HNF4G: variants seen among roughly 807,000 people sequenced by gnomAD.
HNF4G encodes hepatocyte nuclear factor 4-gamma.
Under a neutral mutation model 50.9 loss-of-function variants are expected in HNF4G, and 21 were observed. The observed-to-expected ratio is 0.41, with a 90% CI of 0.29 to 0.59. The LOEUF (loss-of-function observed/expected upper bound fraction) is 0.59. Ranked by LOEUF, HNF4G falls within the 20% of genes least tolerant of loss-of-function variation. The pLI, the probability that HNF4G is intolerant of heterozygous loss-of-function variation, is 0.26. For missense variants in HNF4G, 527 were observed against 559.4 expected (o/e 0.94, Z 0.58); for synonymous variants, 198 against 185.6 (o/e 1.07, Z -0.54).
At chr8:75,503,835 G>T (rs1812994474) in intron 2 of HNF4G, among the ~76,000 whole-genome samples, 1 of 152,118 alleles carries the variant, frequency 6.6e-6, no homozygotes, top group African/African-American at 2.4e-5. Context: ...GTAATCTTTT[G>T]CTGTGGATGG....
chr8:75,556,103 A>G (rs1807114793), intron 6 of HNF4G, 34 bp downstream of exon 6: 1 of 1,194,756 alleles, frequency 8.4e-7, no homozygotes, highest in South Asian at 1.4e-5. Flanking sequence ...AGAAGAAATT[A>G]TGCATATTTT....
intron 4 of HNF4G, 87 bp downstream of exon 4, chr8:75,551,581 AAAGGTGC>A: frequency 2.6e-6 from 2 of 767,518 alleles, no homozygotes; most frequent in South Asian, 3.2e-5. Flanking sequence ...AAGTTTTTTC[AAAGGTGC>A]TCATTACTAA....
At chr8:75,435,351 A>G (rs1811111240) in intron 1 of HNF4G, among the ~76,000 whole-genome samples, 1 of 152,206 alleles carries the variant, frequency 6.6e-6, no homozygotes, top group Non-Finnish European at 1.5e-5. Context: ...ATTAATGTCA[A>G]TTCGTGTTTT....
rs909419093 is a variant in HNF4G, at chr8:75,565,704, C to G, written c.*1608C>G. The G allele has an allele frequency of 2.0e-5, 3 of 152,068 alleles. No individual in the cohort carries two copies. The East Asian group carries it at 5.8e-4, about 29-fold the overall frequency. 9.4% of individuals were successfully genotyped at this position (152,068 alleles called of 1,614,324 possible). A position where few individuals can be genotyped will look rare whatever the true frequency, so the allele number is the denominator to read the frequency against. On this transcript the variant is annotated 3_prime_UTR_variant, in exon 10 of 10. Coordinates refer to ENST00000396423, the MANE Select transcript of HNF4G (RefSeq NM_004133.5). ...CCAAACTGTAAAAGATTGAAATAAT[C>G]TTTCTCAGGATTTTTTAAATGTCTA... is the stretch of plus-strand genomic sequence containing the variant.
intron 1 of HNF4G, among the ~76,000 whole-genome samples, chr8:75,429,797 T>C (rs1318558217): frequency 6.6e-6 from 1 of 152,206 alleles, no homozygotes; most frequent in Non-Finnish European, 1.5e-5. Flanking sequence ...ACCCCATAGT[T>C]ATCCTTTCCT....
At chr8:75,416,216 C>A (rs1810631687) in intron 1 of HNF4G, among the ~76,000 whole-genome samples, 1 of 151,974 alleles carries the variant, frequency 6.6e-6, no homozygotes, top group African/African-American at 2.4e-5. Context: ...AAACACAGTC[C>A]TTTTGTTCAG....
At chr8:75,544,318 A>G (rs998724400) in intron 2 of HNF4G, among the ~76,000 whole-genome samples, 2 of 152,118 alleles carry the variant, frequency 1.3e-5, no homozygotes, top group Admixed American at 6.6e-5. Flanking sequence ...ATTTCATGTT[A>G]TCTTTTCCTT....
chr8:75,425,730 G>T (rs939992054), intron 1 of HNF4G, among the ~76,000 whole-genome samples: 7 of 151,740 alleles, frequency 4.6e-5, no homozygotes, highest in African/African-American at 1.5e-4. Flanking sequence ...GTCTTGCTGT[G>T]TATTTTTCTG....
intron 1 of HNF4G, among the ~76,000 whole-genome samples, chr8:75,435,678 C>G (rs1811118377): frequency 6.6e-6 from 1 of 152,222 alleles, no homozygotes; most frequent in African/African-American, 2.4e-5. Flanking sequence ...ACTGCATCTT[C>G]TGCCTCCCGG....
In HNF4G at chr8:75,515,626, G is replaced by C. The variant is rs113583197; in HGVS notation, c.-24+25418G>C. On this transcript the variant is annotated intron_variant, in intron 2 of 10. Transcript: ENST00000354370. ...GTTTGGAGTCAAAGGGCCAAAACCT[G>C]GAGCACCAATGTCCAAAAGCAGAAG... Among the ~76,000 whole-genome samples, 457 of 152,248 alleles carry C rather than the reference G, an allele frequency of 3.0e-3. 2 individuals are homozygous for C. Among genetic ancestry groups the C allele is most frequent in the Non-Finnish European group, 5.1e-3 (349 of 68,028 alleles).
At chr8:75,451,726 T>C (rs1249602190) in intron 1 of HNF4G, among the ~76,000 whole-genome samples, 3 of 152,238 alleles carry the variant, frequency 2.0e-5, no homozygotes, top group Non-Finnish European at 4.4e-5. Context: ...GCCAGCACCA[T>C]GATGTTTTGA....
chr8:75,510,745 A>C (rs1346699531), intron 2 of HNF4G, among the ~76,000 whole-genome samples: 1 of 152,194 alleles, frequency 6.6e-6, no homozygotes, highest in African/African-American at 2.4e-5. Context: ...ATGTTTGCGC[A>C]ACAATGAAAT....
chr8:75,485,469 C>G (rs1430100695), intron 1 of HNF4G, among the ~76,000 whole-genome samples: 1 of 152,206 alleles, frequency 6.6e-6, no homozygotes, highest in East Asian at 1.9e-4. Context: ...ATGTAAAAAA[C>G]TGCAGAATAA....
intron 1 of HNF4G, among the ~76,000 whole-genome samples, chr8:75,411,887 G>C (rs1810512915): frequency 6.6e-6 from 1 of 152,060 alleles, no homozygotes; most frequent in African/African-American, 2.4e-5. Context: ...TAATTGGTAG[G>C]GTAATTACAT....
At chr8:75,525,248 C>A (rs913006096) in intron 2 of HNF4G, among the ~76,000 whole-genome samples, 3 of 152,096 alleles carry the variant, frequency 2.0e-5, no homozygotes, top group African/African-American at 7.2e-5. Context: ...TGGCTTACTG[C>A]AACCTCCGCT....
Position 75,464,556 on chromosome 8 carries a change from T to C in HNF4G, c.-143-25533T>C, listed in dbSNP as rs146129219. 1.1e-4 allele frequency among the ~76,000 whole-genome samples: 17 copies of C among 152,314 alleles called. No individual in the cohort carries two copies. In the East Asian group the frequency reaches 2.9e-3, roughly 26 times the overall value. Reference sequence around the variant, plus strand: ...CATTCAGAATGTGTGGCCTCTTTAATCTTGCTGTGCAGCTGTCATTCTCCA... The same window carrying C: ...CATTCAGAATGTGTGGCCTCTTTAACCTTGCTGTGCAGCTGTCATTCTCCA... On this transcript the variant is annotated intron_variant, in intron 1 of 10. Transcript: ENST00000354370.
chr8:75,468,122 A>G (rs1156289252), intron 1 of HNF4G, among the ~76,000 whole-genome samples: 1 of 152,204 alleles, frequency 6.6e-6, no homozygotes, highest in Non-Finnish European at 1.5e-5. Flanking sequence ...CCATTTTAAT[A>G]TATCTTCCAC....
intron 1 of HNF4G, 57 bp from the exon 2 acceptor site, chr8:75,543,754 C>A: frequency 2.1e-6 from 3 of 1,419,164 alleles, no homozygotes; most frequent in East Asian, 2.4e-5. Context: ...ATTAGTAGGA[C>A]AATTTAGTCA....
At position 75,558,636 on chromosome 8, in the gene HNF4G, T is replaced by G; in HGVS notation, c.852T>G (p.Tyr284Ter). 6.2e-7 allele frequency: 1 copy of G among 1,613,892 alleles called. No homozygotes were observed. The highest frequency in any genetic ancestry group is 8.5e-7 in the Non-Finnish European group (1 of 1,179,920). The change falls in exon 7 of 10, where the codon TAT (tyrosine) becomes TAG (stop). Residue 284 changes from tyrosine to a stop codon, truncating the protein, a stop_gained. Transcript: ENST00000396423. LOFTEE classifies it high-confidence loss of function. ...FQEIQIDDNE[Y>*]ACLKAIVFFD... The stretch of plus-strand genomic sequence containing the variant: ...AAATCCAGATTGATGACAATGAGTA[T>G]GCTTGTTTAAAGGCAATTGTATTTT...
Sources: allele counts gnomAD v4.1 joint callset (sites outside exome capture counted in the v4.1 genomes callset), GRCh38; gene constraint gnomAD v4.1.1; transcripts MANE v1.5; gene names NCBI Gene and HGNC (gene_info 2026-07-23, HGNC 2026-07-21).